CSMD1: variants seen among roughly 807,000 people sequenced by gnomAD.
CSMD1 encodes the protein CUB and sushi domain-containing protein 1.
CSMD1 carries 213 observed loss-of-function variants against 417.5 expected under a neutral mutation model. The ratio of observed to expected loss-of-function variants is 0.51; its 90% CI spans 0.46 to 0.57. The LOEUF (loss-of-function observed/expected upper bound fraction) is 0.57. Among genes scored for constraint, CSMD1 ranks in the 20% least tolerant of loss-of-function variants. CSMD1 has a pLI of 0.00. For missense variants in CSMD1, 6,923 were observed against 4,529.7 expected, an observed-to-expected ratio of 1.53 and a Z score of -15.17; for synonymous variants, 2,862 against 1,736.8, an observed-to-expected ratio of 1.65 and a Z score of -16.11.
At chr8:3,380,020 C>A (rs1266226154) in intron 18 of CSMD1, among the ~76,000 whole-genome samples, 1 of 152,152 alleles carries the variant, frequency 6.6e-6, no homozygotes, top group African/African-American at 2.4e-5. Flanking sequence ...TACCCAGAAT[C>A]TACAAAGAAC....
intron 7 of CSMD1, among the ~76,000 whole-genome samples, chr8:3,668,005 C>A (rs190871281): frequency 6.6e-6 from 1 of 152,116 alleles, no homozygotes; most frequent in Admixed American, 6.6e-5. Flanking sequence ...AGTGTCTGTG[C>A]GCCTCAGAGC....
At chr8:4,421,944 G>A (rs180704177) in intron 2 of CSMD1, among the ~76,000 whole-genome samples, 1 of 151,910 alleles carries the variant, frequency 6.6e-6, no homozygotes, top group African/African-American at 2.4e-5. Context: ...GGTACAAAGA[G>A]TCACTGTCAT....
At chr8:4,150,093 T>A (rs1231366075) in intron 3 of CSMD1, among the ~76,000 whole-genome samples, 1 of 152,294 alleles carries the variant, frequency 6.6e-6, no homozygotes, top group South Asian at 2.1e-4. Flanking sequence ...AACTCGTTTG[T>A]TTTTTAAGGG....
intron 3 of CSMD1, among the ~76,000 whole-genome samples, chr8:4,139,216 G>A (rs1432777827): frequency 6.6e-6 from 1 of 152,168 alleles, no homozygotes; most frequent in African/African-American, 2.4e-5. Context: ...AAATAAGAGT[G>A]TCCTAGTGGT....
chr8:4,048,797 T>C (rs2554552), intron 3 of CSMD1, among the ~76,000 whole-genome samples: 137,736 of 152,246 alleles, frequency 0.9, 62,488 homozygotes, highest in East Asian at 0.99. Context: ...TATTATACAG[T>C]ATATGTAGTC....
chr8:4,176,240 C>T (rs771213443), intron 3 of CSMD1, among the ~76,000 whole-genome samples: 1 of 151,964 alleles, frequency 6.6e-6, no homozygotes, highest in Admixed American at 6.5e-5. Flanking sequence ...TATGTACGTT[C>T]TTATATACAT....
chr8:3,396,538 G>C (rs539223590), intron 16 of CSMD1, among the ~76,000 whole-genome samples, 157 bp from the exon 17 acceptor site: 8 of 152,270 alleles, frequency 5.3e-5, no homozygotes, highest in African/African-American at 1.9e-4. Flanking sequence ...CAAATATAAG[G>C]ATAGTATGTT....
intron 3 of CSMD1, among the ~76,000 whole-genome samples, chr8:4,097,773 G>C (rs549790449): frequency 6.6e-6 from 1 of 152,266 alleles, no homozygotes; most frequent in Non-Finnish European, 1.5e-5. Context: ...GGGTAAGTAC[G>C]AACATTAGTT....
intron 27 of CSMD1, among the ~76,000 whole-genome samples, chr8:3,227,051 T>C (rs1798548305): frequency 6.6e-6 from 1 of 152,064 alleles, no homozygotes; most frequent in South Asian, 2.1e-4. Context: ...AGAGAAAACA[T>C]TAATAAATAT....
chr8:3,026,756 G>A (rs1422326407), intron 51 of CSMD1, among the ~76,000 whole-genome samples: 1 of 152,220 alleles, frequency 6.6e-6, no homozygotes, highest in Admixed American at 6.5e-5. Context: ...CCCTTAGCAC[G>A]TGGTGACTAG....
intron 1 of CSMD1, among the ~76,000 whole-genome samples, chr8:4,957,272 A>T (rs1809181441): frequency 6.6e-6 from 1 of 152,138 alleles, no homozygotes; most frequent in African/African-American, 2.4e-5. Context: ...TCAGGCTTGA[A>T]ATTCTCACCC....
intron 4 of CSMD1, among the ~76,000 whole-genome samples, chr8:4,026,883 T>C (rs1024131324): frequency 3.3e-5 from 5 of 152,094 alleles, no homozygotes; most frequent in African/African-American, 1.2e-4. Context: ...TTTGGCAAGG[T>C]GTAGTATGCT....
intron 1 of CSMD1, among the ~76,000 whole-genome samples, chr8:4,985,933 T>C (rs373703062): frequency 1.3e-4 from 20 of 152,194 alleles, no homozygotes; most frequent in East Asian, 5.8e-4. Context: ...AGAAATTGTC[T>C]GATGAATTGT....
rs1585211180 is a variant in CSMD1, at chr8:4,851,282, A to G, written c.85+143050T>C. 2.0e-5 allele frequency among the ~76,000 whole-genome samples: 3 copies of G among 151,848 alleles called. No individual in the cohort carries two copies. In the South Asian group the frequency reaches 6.2e-4, roughly 32 times the overall value. ...TCCCTACAAAGGACATGAACTCATC[A>G]TTTTTTATGACTGCATAGTATTCTA... On this transcript the variant is annotated intron_variant, in intron 1 of 69. Transcript: ENST00000635120.
chr8:3,568,998 C>G (rs1338384950), intron 10 of CSMD1, among the ~76,000 whole-genome samples: 3 of 152,126 alleles, frequency 2.0e-5, no homozygotes, highest in African/African-American at 7.2e-5. Flanking sequence ...GATTGCAGGA[C>G]TCATCAAGAG....
intron 8 of CSMD1, among the ~76,000 whole-genome samples, chr8:3,602,356 G>A (rs1201985645): frequency 2.6e-5 from 4 of 152,050 alleles, no homozygotes; most frequent in Admixed American, 2.6e-4. Context: ...AATTTCCGGT[G>A]GAGGCATAGA....
At chr8:3,482,648 C>T (rs997975248) in intron 11 of CSMD1, among the ~76,000 whole-genome samples, 25 of 152,106 alleles carry the variant, frequency 1.6e-4, no homozygotes, top group African/African-American at 5.8e-4. Flanking sequence ...ATCTAACTGA[C>T]GAATATGGAA....
At chr8:3,670,237 G>A (rs1041080955) in intron 7 of CSMD1, among the ~76,000 whole-genome samples, 3 of 151,912 alleles carry the variant, frequency 2.0e-5, no homozygotes, top group South Asian at 2.1e-4. Context: ...TACAAAGCAG[G>A]CGGAAAAATA....
In CSMD1 at chr8:4,803,020, T is replaced by G. The variant is rs529539683; in HGVS notation, c.86-165462A>C. On this transcript the variant is annotated intron_variant, in intron 1 of 69. Transcript: ENST00000635120. ...CAGCAGTAAAGTCACCAGATATCAT[T>G]TGGTTTTCTCCGGTGCCATTTCTAA... Among the ~76,000 whole-genome samples the G allele has an allele frequency of 1.1e-4, 16 of 152,274 alleles. No homozygotes were observed. In the South Asian group the frequency reaches 3.3e-3, roughly 32 times the overall value.
Sources: allele counts gnomAD v4.1 joint callset (sites outside exome capture counted in the v4.1 genomes callset), GRCh38; gene constraint gnomAD v4.1.1; transcripts MANE v1.5; gene names NCBI Gene and HGNC (gene_info 2026-07-23, HGNC 2026-07-21).